The following LRMDA variants were observed in gnomAD, a reference collection of about 807,000 sequenced individuals.
The protein encoded by LRMDA is leucine rich melanocyte differentiation associated, also known as leucine-rich melanocyte differentiation-associated protein.
Under a neutral mutation model 29.8 loss-of-function variants are expected in LRMDA, and 18 were observed. The ratio of observed to expected loss-of-function variants is 0.60; its 90% confidence interval spans 0.42 to 0.90. The LOEUF (loss-of-function observed/expected upper bound fraction) is 0.90. Among genes scored for constraint, LRMDA ranks in the 40% least tolerant of loss-of-function variants. The probability of loss-of-function intolerance (pLI) is 0.00; values close to 1 mark genes in which losing one functional copy is unlikely to be tolerated. For synonymous variants in LRMDA, 125 were observed against 109.4 expected (o/e 1.14, Z -0.89); for missense variants, 273 against 273.9 (o/e 1.00, Z 0.02).
chr10:76,250,486 GAGA>G (rs1313084302), intron 5 of LRMDA, among the ~76,000 whole-genome samples: 1 of 152,120 alleles, frequency 6.6e-6, no homozygotes, highest in Non-Finnish European at 1.5e-5. Context: ...GACCTTGAAG[GAGA>G]ATACTAACAT....
At chr10:75,770,973 GC>G (rs553113172) in intron 2 of LRMDA, among the ~76,000 whole-genome samples, 118 of 152,262 alleles carry the variant, frequency 7.7e-4, no homozygotes, top group African/African-American at 2.8e-3. Flanking sequence ...TCACAATGGG[GC>G]GAGTGTGTAG....
intron 6 of LRMDA, among the ~76,000 whole-genome samples, chr10:76,345,804 A>C (rs1442902071): frequency 6.6e-6 from 1 of 152,224 alleles, no homozygotes. Flanking sequence ...GCTAAAGGGA[A>C]ATACACAGAA....
chr10:76,345,314 C>T (rs1344170771), intron 6 of LRMDA, among the ~76,000 whole-genome samples: 7 of 150,248 alleles, frequency 4.7e-5, no homozygotes, highest in East Asian at 1.9e-4. Flanking sequence ...CCTCGTGATC[C>T]GCCCGCCTCG....
intron 2 of LRMDA, among the ~76,000 whole-genome samples, chr10:75,549,316 G>T (rs1840115132): frequency 1.3e-5 from 2 of 152,082 alleles, no homozygotes; most frequent in South Asian, 4.2e-4. Context: ...TGGGATGTTT[G>T]ATCTGGAATG....
At chr10:75,945,547 CT>C (rs1411404548) in intron 2 of LRMDA, among the ~76,000 whole-genome samples, 20 of 152,144 alleles carry the variant, frequency 1.3e-4, no homozygotes, top group Non-Finnish European at 2.9e-4. Context: ...CTTCTGTCTG[CT>C]TTTGGTTTCT....
chr10:76,133,848 G>A (rs113052701), intron 5 of LRMDA, among the ~76,000 whole-genome samples: 23 of 152,266 alleles, frequency 1.5e-4, no homozygotes, highest in African/African-American at 5.3e-4. Flanking sequence ...GGATGGGAAG[G>A]GGGGAGATGA....
rs188576018 is a variant in LRMDA, at chr10:75,719,973, T to G, written c.131+281479T>G. On this transcript the variant is annotated intron_variant, in intron 2 of 6. Transcript: ENST00000611255. ...TCAGAGATTGAAGCCAAAGTGCCTC[T>G]GTGTACCTAAAGTACACATTTACAA... Among the ~76,000 whole-genome samples the G allele has an allele frequency of 5.3e-5, 8 of 152,322 alleles. No individual in the cohort carries two copies. In the East Asian group the frequency reaches 1.5e-3, roughly 29 times the overall value.
At chr10:75,795,111 T>C (rs980768095) in intron 2 of LRMDA, among the ~76,000 whole-genome samples, 3 of 152,068 alleles carry the variant, frequency 2.0e-5, no homozygotes, top group Admixed American at 1.3e-4. Context: ...GAATTGGGAT[T>C]CTGGCTGGGC....
At chr10:75,984,086 G>A (rs1057266955) in intron 2 of LRMDA, among the ~76,000 whole-genome samples, 4 of 152,196 alleles carry the variant, frequency 2.6e-5, no homozygotes, top group Admixed American at 2.6e-4. Flanking sequence ...CCACAAGGTC[G>A]TGTGAGAATG....
chr10:76,159,081 G>A (rs2132175627), intron 5 of LRMDA, among the ~76,000 whole-genome samples: 1 of 152,268 alleles, frequency 6.6e-6, no homozygotes, highest in South Asian at 2.1e-4. Context: ...ATTTCTGGAT[G>A]CACATAGATG....
chr10:75,530,021 G>A (rs1845458806), intron 2 of LRMDA, among the ~76,000 whole-genome samples: 1 of 151,496 alleles, frequency 6.6e-6, no homozygotes, highest in South Asian at 2.1e-4. Context: ...AAAGGGAATA[G>A]AGATTTATTT....
At chr10:76,315,255 G>T (rs1840677770) in intron 5 of LRMDA, among the ~76,000 whole-genome samples, 1 of 152,260 alleles carries the variant, frequency 6.6e-6, no homozygotes, top group African/African-American at 2.4e-5. Flanking sequence ...AGTGGGGCAG[G>T]AAGGGCTGGT....
At chr10:76,143,485 GTCT>G (rs1407150844) in intron 5 of LRMDA, among the ~76,000 whole-genome samples, 10 of 152,074 alleles carry the variant, frequency 6.6e-5, no homozygotes, top group Non-Finnish European at 4.4e-5. Context: ...CTGCATAAAT[GTCT>G]TCTTTTGAGA....
chr10:76,302,173 A>T (rs1248587304), intron 5 of LRMDA, among the ~76,000 whole-genome samples: 1 of 152,040 alleles, frequency 6.6e-6, no homozygotes, highest in Non-Finnish European at 1.5e-5. Flanking sequence ...ATGCCATTTC[A>T]TGTTCAGTTC....
At chr10:76,286,469 G>T (rs1450229083) in intron 5 of LRMDA, among the ~76,000 whole-genome samples, 1 of 152,188 alleles carries the variant, frequency 6.6e-6, no homozygotes, top group African/African-American at 2.4e-5. Context: ...ATTTCAAGAG[G>T]TACGAATATT....
At position 76,105,165 on chromosome 10, in the gene LRMDA, C is replaced by A. The variant is rs1849460368; in HGVS notation, c.516+46382C>A. Among the ~76,000 whole-genome samples the A allele has an allele frequency of 2.0e-5, 3 of 152,218 alleles. No homozygotes were observed. The South Asian group carries it at 6.2e-4, about 32-fold the overall frequency. On this transcript the variant is annotated intron_variant, in intron 5 of 6. Transcript: ENST00000611255. ...GTGTTTCTTTTTTCCAGAACACTTACCACGTTTTAAGAAACTGCATTTGAC... is the reference window on the plus strand; with the variant it reads ...GTGTTTCTTTTTTCCAGAACACTTAACACGTTTTAAGAAACTGCATTTGAC...
intron 2 of LRMDA, among the ~76,000 whole-genome samples, chr10:75,812,675 A>G (rs1378536289): frequency 6.6e-6 from 1 of 152,194 alleles, no homozygotes; most frequent in Non-Finnish European, 1.5e-5. Context: ...TCTAGAATCC[A>G]TATTTTGTCT....
intron 2 of LRMDA, among the ~76,000 whole-genome samples, chr10:75,692,411 ACATATATG>A (rs1173057048): frequency 1.4e-5 from 2 of 146,776 alleles, no homozygotes; most frequent in Non-Finnish European, 3.0e-5. Flanking sequence ...ACACATATAC[ACATATATG>A]CATATATATA....
At chr10:76,393,150 A>T (rs1446855698) in intron 6 of LRMDA, among the ~76,000 whole-genome samples, 2 of 152,132 alleles carry the variant, frequency 1.3e-5, no homozygotes, top group South Asian at 2.1e-4. Flanking sequence ...AGGAGTGCAG[A>T]TATCTCTCCT....
Sources: gnomAD v4.1 joint callset for allele counts (sites outside exome capture counted in the v4.1 genomes callset) on GRCh38, gnomAD v4.1.1 for gene constraint, MANE v1.5 for transcripts, NCBI Gene and HGNC (gene_info 2026-07-23, HGNC 2026-07-21) for gene names.